The following SETD2 variants were observed in gnomAD, a reference collection of about 807,000 sequenced individuals.
The protein encoded by SETD2 is histone-lysine N-methyltransferase SETD2.
SETD2 carries 31 observed loss-of-function variants against 242.1 expected under a neutral mutation model. The observed-to-expected ratio is 0.13, with a 90% CI of 0.10 to 0.17. The LOEUF is 0.17. Among genes scored for constraint, SETD2 ranks in the 10% least tolerant of loss-of-function variants. The probability of loss-of-function intolerance (pLI) is 1.00; values close to 1 mark genes in which losing one functional copy is unlikely to be tolerated. For synonymous variants in SETD2, 1,006 were observed against 1,066.5 expected (o/e 0.94, Z 1.11); for missense variants, 2,481 against 3,046.3 (o/e 0.81, Z 4.37).
chr3:47,132,879 T>A (rs1195026987), intron 1 of SETD2, among the ~76,000 whole-genome samples: 1 of 152,224 alleles, frequency 6.6e-6, no homozygotes. Context: ...AAAATTAGCC[T>A]ATTAAAATTT....
chr3:47,138,794 G>A (rs2043654733), intron 1 of SETD2, among the ~76,000 whole-genome samples: 1 of 151,810 alleles, frequency 6.6e-6, no homozygotes, highest in African/African-American at 2.4e-5. Flanking sequence ...TCAAATTCCT[G>A]GTCTCAAGTG....
chr3:47,098,221 T>C, intron 8 of SETD2, 140 bp from the exon 9 acceptor site: 1 of 640,294 alleles, frequency 1.6e-6, no homozygotes, highest in Non-Finnish European at 2.4e-6. Flanking sequence ...CCAACAAGTC[T>C]GCTATTACTA....
intron 1 of SETD2, chr3:47,157,492 C>A (rs1559771509): frequency 2.2e-6 from 1 of 455,936 alleles, no homozygotes; most frequent in Non-Finnish European, 4.4e-6. Flanking sequence ...GTTAAACTTT[C>A]TTTTGACCAA....
At position 47,125,485 on chromosome 3, in the gene SETD2, A is replaced by ATT. The variant is rs1293728867; in HGVS notation, c.88-938_88-937insAA. ...TTTTAAAAAAAACAAACAAACAAAA[A>ATT]AGCATTACATAGGCAATTCTAATCA... On this transcript the variant is annotated intron_variant, in intron 2 of 20. Transcript: ENST00000409792. Among the ~76,000 whole-genome samples, 331 of 152,326 alleles carry ATT rather than the reference A, an allele frequency of 2.2e-3. 1 individual carries two copies. Among genetic ancestry groups the ATT allele is most frequent in the African/African-American group, 7.4e-3 (307 of 41,564 alleles).
chr3:47,163,628 G>A, intron 1 of SETD2: 2 of 239,994 alleles, frequency 8.3e-6, no homozygotes, highest in East Asian at 9.7e-5. Flanking sequence ...CCGCCGCCGC[G>A]ACACGAGCAG....
At chr3:47,056,012 C>CAAAAAAAAAAAAAAAAAAAAAA (rs1167181294) in intron 15 of SETD2, among the ~76,000 whole-genome samples, 1 of 39,556 alleles carries the variant, frequency 2.5e-5, no homozygotes, top group Non-Finnish European at 4.0e-5. Flanking sequence ...GACTCCGTCT[C>CAAAAAAAAAAAAAAAAAAAAAA]AAAAAAAAAA....
chr3:47,098,404 A>T (rs1287913713), intron 8 of SETD2: 1 of 194,726 alleles, frequency 5.1e-6, no homozygotes, highest in East Asian at 1.3e-4. Flanking sequence ...AATTGCTTAA[A>T]TAGTTCAGAG....
At chr3:47,134,630 A>G (rs1314204166) in intron 1 of SETD2, among the ~76,000 whole-genome samples, 2 of 151,846 alleles carry the variant, frequency 1.3e-5, no homozygotes, top group Non-Finnish European at 2.9e-5. Flanking sequence ...GGACTGCTCA[A>G]TGACTTTTTT....
In SETD2 at chr3:47,039,237, T is replaced by C. The variant is rs373786634; in HGVS notation, c.7239-1460A>G. On this transcript the variant is annotated intron_variant, in intron 17 of 20. Coordinates refer to ENST00000409792, the MANE Select transcript of SETD2 (RefSeq NM_014159.7). ...ACTTTTTTTTTTTTTTATTCTGATA[T>C]GGAGTCTCGCTCTGTGACCCAGGCT... Among the ~76,000 whole-genome samples the C allele has an allele frequency of 3.8e-4, 57 of 151,918 alleles. No homozygotes were observed. In the South Asian group the frequency reaches 6.4e-3, roughly 17 times the overall value.
intron 18 of SETD2, among the ~76,000 whole-genome samples, chr3:47,036,688 T>C (rs1212567457): frequency 6.6e-6 from 1 of 151,130 alleles, no homozygotes. Context: ...AGATCACCTG[T>C]GGTCAGGAGT....
At chr3:47,055,325 T>TA (rs2040008391) in intron 15 of SETD2, among the ~76,000 whole-genome samples, 1 of 152,236 alleles carries the variant, frequency 6.6e-6, no homozygotes, top group Non-Finnish European at 1.5e-5. Context: ...CCACAATAAT[T>TA]CATTTTTAAG....
intron 18 of SETD2, among the ~76,000 whole-genome samples, chr3:47,033,253 G>C (rs1012435936): frequency 6.6e-6 from 1 of 152,126 alleles, no homozygotes. Context: ...TTTCCTTTTA[G>C]CCTATCTTTG....
At position 47,104,864 on chromosome 3, in the gene SETD2, T is replaced by C. The variant is rs187077839; in HGVS notation, c.4839+1133A>G. 9.2e-5 allele frequency among the ~76,000 whole-genome samples: 14 copies of C among 152,300 alleles called. No homozygotes were observed. In the South Asian group the frequency reaches 2.1e-3, roughly 23 times the overall value. On this transcript the variant is annotated intron_variant, in intron 6 of 20. Transcript: ENST00000409792. ...ATCTGGGCCAACACTCAAGTGATTC[T>C]CTGTTTTAGCCTTCGGTCTGAGCCC...
At chr3:47,077,686 T>C (rs531533496) in intron 12 of SETD2, among the ~76,000 whole-genome samples, 1 of 152,312 alleles carries the variant, frequency 6.6e-6, no homozygotes, top group East Asian at 1.9e-4. Flanking sequence ...AATCCAGATA[T>C]TGGTTTCAAA....
Position 47,124,397 on chromosome 3 carries a change from G to A in SETD2, c.239C>T (p.Thr80Ile). The change falls in exon 3 of 21, where the codon ACA becomes ATA. Residue 80 changes from threonine to isoleucine, a missense_variant. Thr to Ile is a moderately conservative substitution (Grantham distance 89). This residue lies in a region of SETD2 where 334 missense variants were observed against 374.5 expected (regional missense o/e 0.89). Transcript: ENST00000409792. ...AAACCTATTCTGCAAAGTTTTCTTT[G>A]TAAGGCTGAAGCTGAATGACACCTT... ...RQKVSFSFSL[T>I]KKTLQNRFLT... The A allele has an allele frequency of 1.3e-6, 2 of 1,551,922 alleles. No homozygotes were observed. The highest frequency in any genetic ancestry group is 1.7e-6 in the Non-Finnish European group (2 of 1,147,048).
chr3:47,139,850 T>C (rs945224143), intron 1 of SETD2, among the ~76,000 whole-genome samples: 1 of 152,234 alleles, frequency 6.6e-6, no homozygotes, highest in Non-Finnish European at 1.5e-5. Context: ...GGAGTAAGTA[T>C]GCTAACCTGA....
intron 1 of SETD2, among the ~76,000 whole-genome samples, chr3:47,146,176 T>A (rs1331425312): frequency 1.3e-5 from 2 of 152,134 alleles, no homozygotes; most frequent in Admixed American, 1.3e-4. Flanking sequence ...TACAATATAT[T>A]AGGAGCAAAA....
rs1338671014 is a variant in SETD2 at position 47,124,453 on chromosome 3, T to G, written c.183A>C (p.Thr61=). 1.5e-5 allele frequency: 23 copies of G among 1,551,926 alleles called. No homozygotes were observed. The highest frequency in any genetic ancestry group is 2.0e-5 in the Non-Finnish European group (23 of 1,147,044). The change falls in exon 3 of 21, where the codon ACA becomes ACC. Residue 61 remains threonine, a synonymous_variant. Coordinates refer to ENST00000409792, the MANE Select transcript of SETD2 (RefSeq NM_014159.7). ...SSRFLPKGTK[T]KVNLEEQGRQ... The stretch of plus-strand genomic sequence containing the variant: ...GTCCCTGTTCTTCCAAATTAACTTT[T>G]GTTTTGGTGCCTTTGGGCAAAAATC...
chr3:47,043,864 A>G (rs1200788419), intron 16 of SETD2, among the ~76,000 whole-genome samples: 1 of 152,064 alleles, frequency 6.6e-6, no homozygotes, highest in Non-Finnish European at 1.5e-5. Flanking sequence ...ATTCCAAACC[A>G]TTTATCTCTT....
Sources: gnomAD v4.1 joint callset for allele counts (sites outside exome capture counted in the v4.1 genomes callset) on GRCh38, gnomAD v4.1.1 for gene constraint, gnomAD v4.1.1 regional missense constraint, MANE v1.5 for transcripts, NCBI Gene and HGNC (gene_info 2026-07-23, HGNC 2026-07-21) for gene names.